MTA1: variants seen among roughly 807,000 people sequenced by gnomAD.
MTA1 encodes the protein metastasis associated 1.
Under a neutral mutation model 97.0 loss-of-function variants are expected in MTA1, and 15 were observed. That is an observed-to-expected ratio of 0.15 (90% CI 0.10 to 0.24). The LOEUF (loss-of-function observed/expected upper bound fraction) is 0.24. Ranked by LOEUF, MTA1 falls within the 10% of genes least tolerant of loss-of-function variation. The pLI is 1.00. For missense variants in MTA1, 709 were observed against 1,015.1 expected, an observed-to-expected ratio of 0.70 and a Z score of 4.10; for synonymous variants, 435 against 417.5, an observed-to-expected ratio of 1.04 and a Z score of -0.51.
At chr14:105,451,929 T>C (rs587769935) in intron 6 of MTA1, among the ~76,000 whole-genome samples, 2 of 152,142 alleles carry the variant, frequency 1.3e-5, no homozygotes, top group African/African-American at 4.8e-5. Context: ...TAGCTGGGAT[T>C]ACAGACGTGT....
rs782650918 is a variant in MTA1, at chr14:105,454,328, G to T, written c.550+18G>T. 4 of 1,569,746 alleles carry T rather than the reference G, an allele frequency of 2.5e-6. No individual in the cohort carries two copies. Among genetic ancestry groups the T allele is most frequent in the Non-Finnish European group, 3.5e-6 (4 of 1,140,630 alleles). On this transcript the variant is annotated intron_variant, in intron 7 of 20. Coordinates refer to ENST00000331320, the MANE Select transcript of MTA1 (RefSeq NM_004689.4). ...AAAAGAAGGTAGGGTGGGCCGCCCT[G>T]GGCATGGAGCCCTCTGTCCTGTCCT...
intron 7 of MTA1, 145 bp downstream of exon 7, chr14:105,454,455 A>G: frequency 3.2e-6 from 2 of 634,880 alleles, no homozygotes; most frequent in Non-Finnish European, 5.8e-6. Flanking sequence ...GGCTCTGTCC[A>G]CATGGGTGAT....
intron 2 of MTA1, among the ~76,000 whole-genome samples, chr14:105,444,617 C>T (rs1417249258): frequency 1.3e-5 from 2 of 151,924 alleles, no homozygotes; most frequent in Admixed American, 6.6e-5. Flanking sequence ...ATGGCAAAAC[C>T]CTGTCTCTAC....
chr14:105,426,176 G>A (rs1336739385), intron 1 of MTA1, among the ~76,000 whole-genome samples: 1 of 152,142 alleles, frequency 6.6e-6, no homozygotes, highest in Non-Finnish European at 1.5e-5. Flanking sequence ...CCTGGGGCAT[G>A]GAGGGGACCA....
At chr14:105,458,042 G>A (rs994097909) in intron 7 of MTA1, among the ~76,000 whole-genome samples, 1 of 152,088 alleles carries the variant, frequency 6.6e-6, no homozygotes, top group African/African-American at 2.4e-5. Context: ...CTGCATTCTG[G>A]GTGGGCTGGG....
intron 16 of MTA1, 32 bp downstream of exon 16, chr14:105,465,215 A>G (rs1462518215): frequency 8.8e-6 from 13 of 1,479,802 alleles, no homozygotes; most frequent in South Asian, 2.5e-5. Context: ...GGGGCTCCCA[A>G]TGCTGCCTGC....
intron 2 of MTA1, 133 bp from the exon 3 acceptor site, chr14:105,445,277 GTGCCCTCC>G: frequency 2.9e-6 from 2 of 678,864 alleles, no homozygotes; most frequent in South Asian, 3.7e-5. Flanking sequence ...CATTTGTGAA[GTGCCCTCC>G]TGGAGTCCCG....
chr14:105,464,617 G>A lies in MTA1; in HGVS notation c.1344+50G>A, dbSNP rs782013932. ...CCTGCCATGAGCCTGTCGGCCACGC[G>A]GGTCCTCGGCCCCCGGTCATGGCGC... On this transcript the variant is annotated intron_variant, in intron 14 of 20. Transcript: ENST00000331320. 55 of 1,609,790 alleles carry A rather than the reference G, an allele frequency of 3.4e-5. No individual in the cohort carries two copies. In the Admixed American group the frequency reaches 3.7e-4, roughly 11 times the overall value.
intron 1 of MTA1, among the ~76,000 whole-genome samples, chr14:105,430,176 C>T (rs1045506919): frequency 8.5e-5 from 13 of 152,286 alleles, no homozygotes; most frequent in Admixed American, 3.3e-4. Flanking sequence ...CCTAACTAAG[C>T]TTAGTCATTT....
chr14:105,421,133 C>T (rs587697684), intron 1 of MTA1, among the ~76,000 whole-genome samples: 2 of 152,116 alleles, frequency 1.3e-5, no homozygotes, highest in African/African-American at 4.8e-5. Flanking sequence ...CCCTACATCC[C>T]GTCTGTGAGA....
chr14:105,469,244 C>G (rs1555433698), intron 18 of MTA1: 1 of 624,070 alleles, frequency 1.6e-6, no homozygotes, highest in African/African-American at 1.8e-5. Context: ...GGAGCCCAAG[C>G]CAATGTGTCT....
chr14:105,453,312 A>G (rs2083015769), intron 6 of MTA1, among the ~76,000 whole-genome samples: 1 of 152,230 alleles, frequency 6.6e-6, no homozygotes, highest in African/African-American at 2.4e-5. Flanking sequence ...TTGCTCTTAA[A>G]CACCTTGGAT....
At chr14:105,448,000 C>T (rs1357755779) in intron 3 of MTA1, among the ~76,000 whole-genome samples, 7 of 152,182 alleles carry the variant, frequency 4.6e-5, no homozygotes, top group Admixed American at 4.6e-4. Context: ...CAGTGCAGGC[C>T]TCAGGGTGGA....
Position 105,460,482 on chromosome 14 carries a change from G to C in MTA1, c.753+25G>C, listed in dbSNP as rs183668008. 706 of 1,584,908 alleles carry C rather than the reference G, an allele frequency of 4.5e-4. 15 individuals are homozygous for C. The highest frequency in any genetic ancestry group is 4.2e-3 in the South Asian group (362 of 87,116). ...GGTAAGTGGGCCCAGGGCGGGACAG[G>C]TGAGACCTGGGGTGGCCCATGGCCC... On this transcript the variant is annotated intron_variant, in intron 9 of 20. Coordinates refer to ENST00000331320, the MANE Select transcript of MTA1 (RefSeq NM_004689.4).
At position 105,422,890 on chromosome 14, in the gene MTA1, G is replaced by T. The variant is rs587610843; in HGVS notation, c.28+2827G>T. On this transcript the variant is annotated intron_variant, in intron 1 of 20. Coordinates refer to ENST00000331320, the MANE Select transcript of MTA1 (RefSeq NM_004689.4). This position sits in a 1 kb window ranked among gnomAD's most constrained non-coding sequence, Gnocchi z 4.3. Reference sequence around the variant, plus strand: ...TCTGTGCCTGTGAGGGCAGCGGATGGCCTGGGCAAGGGTGGCGGGGTCAGG... The same window carrying T: ...TCTGTGCCTGTGAGGGCAGCGGATGTCCTGGGCAAGGGTGGCGGGGTCAGG... Among the ~76,000 whole-genome samples, 425 of 152,310 alleles carry T rather than the reference G, an allele frequency of 2.8e-3. 3 individuals are homozygous for T. Among genetic ancestry groups the T allele is most frequent in the African/African-American group, 9.2e-3 (383 of 41,582 alleles).
At chr14:105,447,306 C>T (rs992265461) in intron 3 of MTA1, among the ~76,000 whole-genome samples, 1 of 152,162 alleles carries the variant, frequency 6.6e-6, no homozygotes, top group Non-Finnish European at 1.5e-5. Flanking sequence ...CAGGCGCCAC[C>T]GTTGAGTTGG....
At chr14:105,445,862 T>C (rs1338492930) in intron 3 of MTA1, 3 of 384,952 alleles carry the variant, frequency 7.8e-6, no homozygotes, top group Non-Finnish European at 1.5e-5. Flanking sequence ...GGTGGGACCC[T>C]GCTGCCTGCA....
At position 105,470,248 on chromosome 14, in the gene MTA1, C is replaced by T. The variant is rs587728435; in HGVS notation, c.*33C>T. On this transcript the variant is annotated 3_prime_UTR_variant, in exon 21 of 21. Coordinates refer to ENST00000331320, the MANE Select transcript of MTA1 (RefSeq NM_004689.4). Reference sequence around the variant, plus strand: ...CCCCACCTGCGGCCGCCCCCCGCCCCTCGCCCGCCCACACGGCCCCTTCCC... The same window carrying T: ...CCCCACCTGCGGCCGCCCCCCGCCCTTCGCCCGCCCACACGGCCCCTTCCC... 4 of 1,435,364 alleles carry T rather than the reference C, an allele frequency of 2.8e-6. No homozygotes were observed. Among genetic ancestry groups the T allele is most frequent in the Admixed American group, 5.6e-5 (2 of 35,706 alleles). 88.9% of individuals were successfully genotyped at this position (1,435,364 alleles called of 1,614,324 possible).
chr14:105,426,047 G>A (rs2082001804), intron 1 of MTA1, among the ~76,000 whole-genome samples: 2 of 152,032 alleles, frequency 1.3e-5, no homozygotes, highest in Non-Finnish European at 2.9e-5. Flanking sequence ...TGCTTTCTCT[G>A]CCCGGTGGCC....
Sources: gnomAD v4.1 joint callset for allele counts (sites outside exome capture counted in the v4.1 genomes callset) on GRCh38, gnomAD v4.1.1 for gene constraint, Gnocchi (gnomAD v3.1) non-coding constraint, MANE v1.5 for transcripts, NCBI Gene and HGNC (gene_info 2026-07-23, HGNC 2026-07-21) for gene names.